Variants in PGR observed in about 807,000 individuals in gnomAD.
PGR encodes the protein progesterone receptor, also known as nuclear receptor subfamily 3 group C member 3.
Under a neutral mutation model 76.1 loss-of-function variants are expected in PGR, and 25 were observed. The ratio of observed to expected loss-of-function variants is 0.33; its 90% CI spans 0.24 to 0.46. The LOEUF is 0.46. Among genes scored for constraint, PGR ranks in the 20% least tolerant of loss-of-function variants. PGR has a pLI of 1.00. For synonymous variants in PGR, 579 were observed against 535.0 expected (o/e 1.08, Z -1.14); for missense variants, 1,172 against 1,225.3 (o/e 0.96, Z 0.65).
chr11:101,070,105 C>T (rs1860872207), intron 3 of PGR, among the ~76,000 whole-genome samples: 1 of 152,064 alleles, frequency 6.6e-6, no homozygotes, highest in South Asian at 2.1e-4. Flanking sequence ...GTGATTTCTG[C>T]ATTTTCAACT....
rs1471876947 is a variant in PGR at position 101,062,772 on chromosome 11, G to T, written c.1907-20C>A. Reference sequence around the variant, plus strand: ...TTCGACCTACAGAGAAGAAAAAAAAGAAATTCATGTAAATATATATAAACT... The same window carrying T: ...TTCGACCTACAGAGAAGAAAAAAAATAAATTCATGTAAATATATATAAACT... On this transcript the variant is annotated intron_variant, in intron 3 of 7. Transcript: ENST00000325455. 2 of 1,552,200 alleles carry T rather than the reference G, an allele frequency of 1.3e-6. No individual in the cohort carries two copies. The highest frequency in any genetic ancestry group is 3.4e-5 in the Admixed American group (2 of 58,332).
At chr11:101,069,654 A>G (rs1021463174) in intron 3 of PGR, among the ~76,000 whole-genome samples, 11 of 152,232 alleles carry the variant, frequency 7.2e-5, no homozygotes, top group African/African-American at 2.7e-4. Flanking sequence ...TGTGGCACAT[A>G]TACACCATGG....
In PGR at chr11:101,128,999, T is replaced by A. The variant is rs749176160; in HGVS notation, c.72A>T (p.Gly24=). Residue 24 remains glycine (G), a synonymous_variant, in exon 1 of 8, where the codon GGA becomes GGT. Transcript: ENST00000325455. ...CGGCTGGGCGACACAGCAGTGGGGA[T>A]CCGACCTCGGGGGAGGGCGGGCCGC... The part of the protein sequence containing the change: ...VAGGPPSPEV[G]SPLLCRPAAG... The A allele has an allele frequency of 1.3e-6, 2 of 1,586,102 alleles. No individual in the cohort carries two copies. The highest frequency in any genetic ancestry group is 1.7e-6 in the Non-Finnish European group (2 of 1,166,250).
Position 101,122,834 on chromosome 11 carries a change from C to T in PGR, c.1789+3173G>A, listed in dbSNP as rs11224604. ...GGGAGGTGAAGAAACTGGCTGTTGG[C>T]TCCTGCTTATGTCTTCTTATTGCTG... is the stretch of plus-strand genomic sequence containing the variant. On this transcript the variant is annotated intron_variant, in intron 2 of 7. Coordinates refer to ENST00000325455, the MANE Select transcript of PGR (RefSeq NM_000926.4). 3.6e-3 allele frequency among the ~76,000 whole-genome samples: 546 copies of T among 152,226 alleles called. 4 individuals are homozygous for T. Among genetic ancestry groups the T allele is most frequent in the African/African-American group, 0.012 (517 of 41,526 alleles).
At chr11:101,053,378 C>G (rs2135397213) in intron 4 of PGR, among the ~76,000 whole-genome samples, 1 of 152,294 alleles carries the variant, frequency 6.6e-6, no homozygotes, top group Middle Eastern at 3.4e-3. Context: ...CTTCTTAGAA[C>G]TCCTTAGCCT....
intron 6 of PGR, among the ~76,000 whole-genome samples, chr11:101,047,676 G>A (rs1305249543): frequency 6.6e-6 from 1 of 152,094 alleles, no homozygotes; most frequent in African/African-American, 2.4e-5. Context: ...CTCACCCTCG[G>A]CCTGAGGTCT....
At chr11:101,097,573 T>A (rs1304120943) in intron 2 of PGR, among the ~76,000 whole-genome samples, 3 of 152,212 alleles carry the variant, frequency 2.0e-5, no homozygotes, top group African/African-American at 7.2e-5. Flanking sequence ...GTTTCGCTTA[T>A]ATTTGTAAAT....
chr11:101,082,140 C>G (rs1270686500), intron 3 of PGR, among the ~76,000 whole-genome samples: 2 of 152,088 alleles, frequency 1.3e-5, no homozygotes, highest in Non-Finnish European at 2.9e-5. Flanking sequence ...CTCTCTCTCT[C>G]TCTGCTGCTC....
intron 2 of PGR, among the ~76,000 whole-genome samples, chr11:101,092,393 A>G (rs558048396): frequency 6.6e-6 from 1 of 152,356 alleles, no homozygotes; most frequent in East Asian, 1.9e-4. Context: ...TTAAGGAATC[A>G]ATGGAAGAGC....
intron 2 of PGR, among the ~76,000 whole-genome samples, chr11:101,097,473 G>A (rs1221382048): frequency 2.0e-5 from 3 of 152,120 alleles, no homozygotes; most frequent in Non-Finnish European, 4.4e-5. Flanking sequence ...TATAAGAGTA[G>A]GAACTACTCA....
intron 5 of PGR, among the ~76,000 whole-genome samples, chr11:101,050,773 G>C (rs1477587103): frequency 6.6e-6 from 1 of 152,062 alleles, no homozygotes; most frequent in African/African-American, 2.4e-5. Flanking sequence ...TAATTCTCCT[G>C]AGACTCAGTT....
chr11:101,078,547 A>G (rs1248189581), intron 3 of PGR, among the ~76,000 whole-genome samples: 2 of 152,248 alleles, frequency 1.3e-5, no homozygotes, highest in Non-Finnish European at 2.9e-5. Flanking sequence ...ATATATTATC[A>G]TCCTTAAGGG....
At chr11:101,109,220 A>G (rs1217539022) in intron 2 of PGR, among the ~76,000 whole-genome samples, 1 of 152,194 alleles carries the variant, frequency 6.6e-6, no homozygotes, top group Non-Finnish European at 1.5e-5. Flanking sequence ...CTAAATGTTC[A>G]AGTGAAAGGA....
At chr11:101,089,157 A>G (rs1335227181) in intron 3 of PGR, among the ~76,000 whole-genome samples, 1 of 152,186 alleles carries the variant, frequency 6.6e-6, no homozygotes, top group Admixed American at 6.5e-5. Flanking sequence ...AAACCTGCAC[A>G]TGTACCCACT....
chr11:101,056,516 G>A (rs926303296), intron 4 of PGR, among the ~76,000 whole-genome samples: 1 of 150,532 alleles, frequency 6.6e-6, no homozygotes, highest in South Asian at 2.1e-4. Context: ...GTAGTGCTGG[G>A]GAGGCTGAAG....
chr11:101,042,934 C>T (rs888336806), intron 6 of PGR, among the ~76,000 whole-genome samples: 1 of 152,118 alleles, frequency 6.6e-6, no homozygotes, highest in African/African-American at 2.4e-5. Context: ...GAGTCAAAAT[C>T]TTTTTGCTGT....
chr11:101,062,643 T>A lies in PGR; in HGVS notation c.2016A>T (p.Arg672Ser). 2 of 1,614,000 alleles carry A rather than the reference T, an allele frequency of 1.2e-6. No individual in the cohort carries two copies. The highest frequency in any genetic ancestry group is 8.5e-7 in the Non-Finnish European group (1 of 1,179,942). Reference protein sequence around the residue: ...VPNESQALSQRFTFSPGQDIQ... With the variant: ...VPNESQALSQSFTFSPGQDIQ... ...TGTCTTGACCTGGTGAAAAAGTGAA[T>A]CTCTGGCTTAGGGCTTGGCTTTCAT... Residue 672 changes from arginine (R) to serine (S), a missense_variant, in exon 4 of 8, where the codon AGA (arginine) becomes AGT (serine). This residue lies in a region of PGR where 73 missense variants were observed against 60.7 expected (regional missense o/e 1.20). Coordinates refer to ENST00000325455, the MANE Select transcript of PGR (RefSeq NM_000926.4).
Position 101,030,455 on chromosome 11 carries a change from C to T in PGR, c.*8661G>A, listed in dbSNP as rs370899723. ...AGTGCCAGGAGAACTGTCAGGCACA[C>T]ATGGATAGATGAAGAGTCTCACCCT... On this transcript the variant is annotated 3_prime_UTR_variant, in exon 8 of 8. Coordinates refer to ENST00000325455, the MANE Select transcript of PGR (RefSeq NM_000926.4). 120 of 230,866 alleles carry T rather than the reference C, an allele frequency of 5.2e-4. 1 individual carries two copies. Among genetic ancestry groups the T allele is most frequent in the Middle Eastern group, 1.3e-3 (1 of 788 alleles). The allele number at this position is 230,866 out of a possible 1,614,324, so 14.3% of individuals were successfully genotyped here. A position where few individuals can be genotyped will look rare whatever the true frequency, so the allele number is the denominator to read the frequency against.
chr11:101,064,331 C>CA lies in PGR; in HGVS notation c.1907-1580dup, dbSNP rs10556132. On this transcript the variant is annotated intron_variant, in intron 3 of 7. Transcript: ENST00000325455. ...AGGTGACAAGGGAGAAACTCCACCTCAAAAAAAAAAAAAAAAAAAAAAAAA... is the reference window on the plus strand; with the variant it reads ...AGGTGACAAGGGAGAAACTCCACCTCAAAAAAAAAAAAAAAAAAAAAAAAAA... 4.1e-4 allele frequency among the ~76,000 whole-genome samples: 16 copies of CA among 39,450 alleles called. 2 individuals are homozygous for CA. Among genetic ancestry groups the CA allele is most frequent in the Non-Finnish European group, 5.8e-4 (13 of 22,582 alleles). The allele number at this position is 39,450 out of a possible 152,430, so 25.9% of individuals were successfully genotyped here. A position where few individuals can be genotyped will look rare whatever the true frequency, so the allele number is the denominator to read the frequency against.
Sources: gnomAD v4.1 joint callset for allele counts (sites outside exome capture counted in the v4.1 genomes callset) on GRCh38, gnomAD v4.1.1 for gene constraint, gnomAD v4.1.1 regional missense constraint, MANE v1.5 for transcripts, NCBI Gene and HGNC (gene_info 2026-07-23, HGNC 2026-07-21) for gene names.